The following ARGLU1 variants were observed in gnomAD, a reference collection of about 807,000 sequenced individuals.
ARGLU1 encodes the protein arginine and glutamate rich 1.
A neutral mutation model predicts 37.6 loss-of-function variants in ARGLU1; 9 were observed. The observed-to-expected ratio is 0.24, with a 90% confidence interval of 0.14 to 0.42. The LOEUF is 0.42. ARGLU1 is among the 10% of genes least tolerant of loss of function. The probability of loss-of-function intolerance (pLI) is 1.00; values close to 1 mark genes in which losing one functional copy is unlikely to be tolerated. For synonymous variants in ARGLU1, 166 were observed against 138.5 expected (o/e 1.20, Z -1.39); for missense variants, 211 against 359.2 (o/e 0.59, Z 3.34).
chr13:106,557,224 T>C lies in ARGLU1; in HGVS notation c.574-93A>G. 1 of 1,112,960 alleles carries C rather than the reference T, an allele frequency of 9.0e-7. No homozygotes were observed. The highest frequency in any genetic ancestry group is 1.3e-6 in the Non-Finnish European group (1 of 755,204). 68.9% of individuals were successfully genotyped at this position (1,112,960 alleles called of 1,614,324 possible). On this transcript the variant is annotated intron_variant, in intron 2 of 3. Transcript: ENST00000400198. This position sits in a 1 kb window ranked among gnomAD's most constrained non-coding sequence, Gnocchi z 5.0. ...AATCTTCCTCTGAACTTTTTTGATATGACTTACAGGGTAGCTTTATAGCTA... is the reference window on the plus strand; with the variant it reads ...AATCTTCCTCTGAACTTTTTTGATACGACTTACAGGGTAGCTTTATAGCTA...
At chr13:106,558,172 AT>A in intron 2 of ARGLU1, 1 of 985,280 alleles carries the variant, frequency 1.0e-6, no homozygotes, top group Non-Finnish European at 1.2e-6. Flanking sequence ...AGAGAAAAAA[AT>A]CTTACTATGA....
At chr13:106,550,513 G>T (rs1056977239) in intron 3 of ARGLU1, among the ~76,000 whole-genome samples, 2 of 152,036 alleles carry the variant, frequency 1.3e-5, no homozygotes, top group African/African-American at 2.4e-5. Context: ...TTTACATTTG[G>T]TGCCTTATTT....
At chr13:106,546,803 G>A (rs1271698223) in intron 3 of ARGLU1, among the ~76,000 whole-genome samples, 2 of 152,110 alleles carry the variant, frequency 1.3e-5, no homozygotes, top group Admixed American at 1.3e-4. Flanking sequence ...TAATCCATAA[G>A]AGAAATCTAA....
intron 3 of ARGLU1, among the ~76,000 whole-genome samples, chr13:106,554,967 A>G (rs1198830848): frequency 1.3e-5 from 2 of 152,170 alleles, no homozygotes; most frequent in African/African-American, 2.4e-5. Flanking sequence ...AACATGTTAA[A>G]TATGTTCAAA....
intron 1 of ARGLU1, among the ~76,000 whole-genome samples, chr13:106,561,507 TAAG>T (rs1300360048): frequency 6.6e-6 from 1 of 151,552 alleles, no homozygotes; most frequent in Non-Finnish European, 1.5e-5. Flanking sequence ...TAGAGAAGCC[TAAG>T]AAGAAACTTA....
At chr13:106,562,989 T>A (rs1190060668) in intron 1 of ARGLU1, among the ~76,000 whole-genome samples, 9 of 39,552 alleles carry the variant, frequency 2.3e-4, no homozygotes, top group East Asian at 1.3e-3. Flanking sequence ...AGACCCTGTC[T>A]CAAAAAAAAA....
Position 106,544,167 on chromosome 13 carries a change from G to A in ARGLU1, c.658-7C>T. ...TTCTCAACTGTTCTTCGGCCTGAAA[G>A]TTAAAAGTAAAAATTAATTATAGAA... On this transcript the variant is annotated splice_polypyrimidine_tract_variant and splice_region_variant and intron_variant, in intron 3 of 3. Transcript: ENST00000400198. The A allele has an allele frequency of 2.0e-6, 3 of 1,538,428 alleles. No individual in the cohort carries two copies. Among genetic ancestry groups the A allele is most frequent in the African/African-American group, 1.4e-5 (1 of 70,228 alleles).
At chr13:106,551,851 C>T (rs1303732636) in intron 3 of ARGLU1, among the ~76,000 whole-genome samples, 1 of 152,152 alleles carries the variant, frequency 6.6e-6, no homozygotes, top group African/African-American at 2.4e-5. Context: ...CCTGTCTGTG[C>T]TATATGCTAA....
In ARGLU1 at chr13:106,559,652, T is replaced by C. The variant is rs1471104078; in HGVS notation, c.353A>G (p.Gln118Arg). 6.2e-7 allele frequency: 1 copy of C among 1,609,476 alleles called. No individual in the cohort carries two copies. The highest frequency in any genetic ancestry group is 2.2e-5 in the East Asian group (1 of 44,832). ...GATGAGTTTTTCTTCTATTTCTTGC[T>C]GTCGACTAGCAAACAAAGTGAAAAA... ...AEFERQRKIR[Q>R]QEIEEKLIEE... is the part of the protein sequence containing the mutation. The change falls in exon 2 of 4, where the codon CAG (glutamine) becomes CGG (arginine). Residue 118 changes from glutamine (Q) to arginine (R), a missense_variant. By Grantham distance (43) the Gln-to-Arg change is conservative (BLOSUM62 1). Around this residue, in one of 3 missense-constraint regions of ARGLU1, gnomAD observed 130 missense variants for 179.8 expected, o/e 0.72. Coordinates refer to ENST00000400198, the MANE Select transcript of ARGLU1 (RefSeq NM_018011.4).
chr13:106,559,678 A>T, intron 1 of ARGLU1, 21 bp from the exon 2 acceptor site: 1 of 1,597,722 alleles, frequency 6.3e-7, no homozygotes. Context: ...AAGTGAAAAA[A>T]ACAAGTTAGG....
In ARGLU1 at chr13:106,567,118, G is replaced by A. The variant is rs1408602641; in HGVS notation, c.347+455C>T. 6.6e-6 allele frequency among the ~76,000 whole-genome samples: 1 copy of A among 152,008 alleles called. No individual in the cohort carries two copies. Among genetic ancestry groups the A allele is most frequent in the Admixed American group, 6.5e-5 (1 of 15,274 alleles). ...TCCCAAATTTGAGCTTCAATAGAAT[G>A]CTTCTGGCCAGCTGTGATTCGCATC... On this transcript the variant is annotated intron_variant, in intron 1 of 3. Transcript: ENST00000400198. This position sits in a 1 kb window ranked among gnomAD's most constrained non-coding sequence, Gnocchi z 4.3.
chr13:106,564,443 TTTCCAA>T (rs1880903160), intron 1 of ARGLU1, among the ~76,000 whole-genome samples: 1 of 152,168 alleles, frequency 6.6e-6, no homozygotes, highest in Non-Finnish European at 1.5e-5. Context: ...ACCAATAAGG[TTTCCAA>T]TCTTACCAAA....
intron 2 of ARGLU1, chr13:106,558,788 A>T: frequency 1.0e-6 from 1 of 985,158 alleles, no homozygotes; most frequent in Non-Finnish European, 1.2e-6. Context: ...AGTAGATACT[A>T]AAAAAAGTGG....
intron 1 of ARGLU1, chr13:106,561,919 G>A (rs1880811922): frequency 6.6e-6 from 1 of 152,220 alleles, no homozygotes; most frequent in Non-Finnish European, 1.5e-5. Context: ...GGCAGTACAG[G>A]CAGGCCGTGG....
chr13:106,545,926 A>C (rs1880378006), intron 3 of ARGLU1, among the ~76,000 whole-genome samples: 1 of 152,236 alleles, frequency 6.6e-6, no homozygotes, highest in Admixed American at 6.5e-5. Flanking sequence ...GCTACTGGAC[A>C]CATCCACCTG....
intron 1 of ARGLU1, chr13:106,561,782 T>C (rs912729462): frequency 6.6e-6 from 1 of 152,192 alleles, no homozygotes; most frequent in African/African-American, 2.4e-5. Context: ...GGGCCTCATT[T>C]CCATAGCTTT....
rs565427919 is a variant in ARGLU1, at chr13:106,568,117, C to G, written c.-198G>C. On this transcript the variant is annotated 5_prime_UTR_variant, in exon 1 of 4. Transcript: ENST00000400198. ...CCAACGAGAAACCCGTAGCGCCAGGCGCCCCTAAGATGGCAGCTGCGGCTG... is the reference window on the plus strand; with the variant it reads ...CCAACGAGAAACCCGTAGCGCCAGGGGCCCCTAAGATGGCAGCTGCGGCTG... The G allele has an allele frequency of 2.4e-6, 2 of 817,010 alleles. No homozygotes were observed. The highest frequency in any genetic ancestry group is 3.6e-6 in the Non-Finnish European group (2 of 562,052). 50.6% of individuals were successfully genotyped at this position (817,010 alleles called of 1,614,324 possible).
At position 106,544,130 on chromosome 13, in the gene ARGLU1, G is replaced by C; in HGVS notation, c.688C>G (p.Gln230Glu). The C allele has an allele frequency of 6.3e-7, 1 of 1,586,690 alleles. No individual in the cohort carries two copies. The highest frequency in any genetic ancestry group is 8.5e-7 in the Non-Finnish European group (1 of 1,171,664). The change falls in exon 4 of 4, where the codon CAA becomes GAA. Residue 230 changes from glutamine (Q) to glutamate (E), a missense_variant. By Grantham distance (29) the Gln-to-Glu change is conservative. Around this residue, in one of 3 missense-constraint regions of ARGLU1, gnomAD observed 80 missense variants for 158.4 expected, o/e 0.51. Transcript: ENST00000400198. Reference sequence around the variant, plus strand: ...ATCCTTTCCTCATGAATCTTTCTTTGTTCTTCAACAATTCTCAACTGTTCT... The same window carrying C: ...ATCCTTTCCTCATGAATCTTTCTTTCTTCTTCAACAATTCTCAACTGTTCT... ...AEEQLRIVEE[Q>E]RKIHEERMKL...
chr13:106,544,248 T>C (rs150839693), intron 3 of ARGLU1, 88 bp from the exon 4 acceptor site: 283 of 1,207,988 alleles, frequency 2.3e-4, no homozygotes, highest in African/African-American at 1.7e-3. Context: ...ATTATGTATC[T>C]ACAAAAAAAT....
Sources: gnomAD v4.1 joint callset for allele counts (sites outside exome capture counted in the v4.1 genomes callset) on GRCh38, gnomAD v4.1.1 for gene constraint, gnomAD v4.1.1 regional missense constraint, Gnocchi (gnomAD v3.1) non-coding constraint, MANE v1.5 for transcripts, NCBI Gene and HGNC (gene_info 2026-07-23, HGNC 2026-07-21) for gene names.